Variants in GLMN observed in about 807,000 individuals in gnomAD.
GLMN encodes glomulin.
Under a neutral mutation model 87.8 loss-of-function variants are expected in GLMN, and 75 were observed. The observed-to-expected ratio is 0.85, with a 90% CI of 0.71 to 1.04. The LOEUF is 1.04. GLMN is among the 50% of genes least tolerant of loss of function. The pLI, the probability that GLMN is intolerant of heterozygous loss-of-function variation, is 0.00. For synonymous variants in GLMN, 206 were observed against 221.6 expected (o/e 0.93, Z 0.63); for missense variants, 588 against 658.8 (o/e 0.89, Z 1.18).
intron 16 of GLMN, among the ~76,000 whole-genome samples, chr1:92,262,645 C>G (rs1380967032): frequency 1.3e-5 from 2 of 152,162 alleles, no homozygotes; most frequent in Non-Finnish European, 1.5e-5. Flanking sequence ...AGCAAGAAAG[C>G]AGACGTACAA....
rs1379536091 is a variant in GLMN at position 92,263,579 on chromosome 1, T to G, written c.1409+44A>C. The G allele has an allele frequency of 4.6e-6, 4 of 872,858 alleles. No individual in the cohort carries two copies. The African/African-American group carries it at 6.6e-5, about 14-fold the overall frequency. 54.1% of individuals were successfully genotyped at this position (872,858 alleles called of 1,614,324 possible). A position where few individuals can be genotyped will look rare whatever the true frequency, so the allele number is the denominator to read the frequency against. ...GTTCCCTAAGCAGATGTTTCACATT[T>G]TATTCTGAATTTACTATGTGAACTT... On this transcript the variant is annotated intron_variant, in intron 15 of 18. Coordinates refer to ENST00000370360, the MANE Select transcript of GLMN (RefSeq NM_053274.3).
chr1:92,247,758 C>T, intron 17 of GLMN, 120 bp downstream of exon 17: 1 of 639,112 alleles, frequency 1.6e-6, no homozygotes, highest in Non-Finnish European at 2.8e-6. Flanking sequence ...AATAAAATGG[C>T]TTAGCTGTTA....
chr1:92,336,432 G>C, the GLMN span: 1 of 1,550,632 alleles, frequency 6.4e-7, no homozygotes, highest in Non-Finnish European at 8.9e-7. Context: ...TTTCAGGTTA[G>C]TGTTTATATT....
At chr1:92,302,820 T>C (rs1650959188), upstream of GLMN, among the ~76,000 whole-genome samples, 1 of 151,880 alleles carries the variant, frequency 6.6e-6, no homozygotes. Flanking sequence ...CAGGATGGTC[T>C]CGATTTCCTA....
At chr1:92,365,948 C>T in the GLMN span, among the ~76,000 whole-genome samples, 3 of 151,988 alleles carry the variant, frequency 2.0e-5, no homozygotes, top group Non-Finnish European at 4.4e-5. Flanking sequence ...TGCAACTTCA[C>T]AGAAAGGTTG....
chr1:92,326,686 G>A, the GLMN span, among the ~76,000 whole-genome samples: 1 of 152,188 alleles, frequency 6.6e-6, no homozygotes, highest in Admixed American at 6.5e-5. Context: ...GCTATTCCAG[G>A]AAGATTATGG....
the GLMN span, among the ~76,000 whole-genome samples, chr1:92,364,974 T>C: frequency 2.0e-5 from 3 of 152,214 alleles, no homozygotes; most frequent in Non-Finnish European, 4.4e-5. Flanking sequence ...CCTATTCACC[T>C]TATTTCCCTT....
the GLMN span, among the ~76,000 whole-genome samples, chr1:92,346,458 C>T: frequency 2.6e-5 from 4 of 152,266 alleles, no homozygotes; most frequent in African/African-American, 9.6e-5. Context: ...GCCACCACAC[C>T]CAGCCTGTTA....
the GLMN span, among the ~76,000 whole-genome samples, chr1:92,338,265 A>G: frequency 2.7e-4 from 41 of 152,334 alleles, no homozygotes; most frequent in East Asian, 7.5e-3. Context: ...CATGAAAACT[A>G]TGCAATTTGA....
intron 7 of GLMN, among the ~76,000 whole-genome samples, chr1:92,273,067 C>A (rs1183913499): frequency 6.6e-6 from 1 of 152,162 alleles, no homozygotes; most frequent in Admixed American, 6.5e-5. Context: ...ATAACTTCCA[C>A]ACAAGTCACT....
intron 7 of GLMN, among the ~76,000 whole-genome samples, chr1:92,286,258 T>G (rs1017120211): frequency 4.0e-5 from 6 of 149,994 alleles, no homozygotes; most frequent in Non-Finnish European, 5.9e-5. Flanking sequence ...TTTGAAAAAT[T>G]TATATATATG....
chr1:92,297,561 AC>A, intron 2 of GLMN, 32 bp from the exon 3 acceptor site: 2 of 1,556,144 alleles, frequency 1.3e-6, no homozygotes, highest in Non-Finnish European at 1.8e-6. Context: ...CAAAAAACAA[AC>A]AAAAAAAAGT....
At chr1:92,297,324 T>C (rs1334027770) in intron 3 of GLMN, 80 bp downstream of exon 3, 2 of 1,562,022 alleles carry the variant, frequency 1.3e-6, no homozygotes, top group Non-Finnish European at 8.8e-7. Context: ...AAATGTTTGA[T>C]GGATAAATGA....
At chr1:92,286,838 C>T (rs1476294983) in intron 6 of GLMN, among the ~76,000 whole-genome samples, 1 of 152,172 alleles carries the variant, frequency 6.6e-6, no homozygotes, top group Non-Finnish European at 1.5e-5. Context: ...CCCACTTTTG[C>T]CTTTTGCCCT....
At position 92,298,039 on chromosome 1, in the gene GLMN, C is replaced by G; in HGVS notation, c.-30-10G>C. On this transcript the variant is annotated splice_polypyrimidine_tract_variant and intron_variant, in intron 1 of 18. Coordinates refer to ENST00000370360, the MANE Select transcript of GLMN (RefSeq NM_053274.3). ...GTTTCGATGCTAAAATCTACAAATA[C>G]AAAACACACTGTTAACTATCCGTGA... is the stretch of plus-strand genomic sequence containing the variant. 8.6e-7 allele frequency: 1 copy of G among 1,163,732 alleles called. No individual in the cohort carries two copies. The highest frequency in any genetic ancestry group is 1.3e-6 in the Non-Finnish European group (1 of 769,962). The allele number at this position is 1,163,732 out of a possible 1,614,324, so 72.1% of individuals were successfully genotyped here.
the GLMN span, among the ~76,000 whole-genome samples, chr1:92,305,153 C>A: frequency 1.3e-5 from 2 of 150,966 alleles, no homozygotes. Context: ...AGACAATAGA[C>A]CGGGCGCCCT....
intron 16 of GLMN, among the ~76,000 whole-genome samples, chr1:92,249,899 A>G (rs777287350): frequency 5.3e-5 from 8 of 152,142 alleles, no homozygotes; most frequent in Non-Finnish European, 8.8e-5. Flanking sequence ...GCATATTTCA[A>G]TGTAATGACA....
chr1:92,259,734 T>C (rs563759741), intron 16 of GLMN, among the ~76,000 whole-genome samples: 1 of 127,224 alleles, frequency 7.9e-6, no homozygotes. Context: ...TTTTCTTTCT[T>C]TTTTTTTTTT....
intron 16 of GLMN, among the ~76,000 whole-genome samples, chr1:92,257,152 T>C (rs553984376): frequency 4.9e-4 from 75 of 152,266 alleles, no homozygotes; most frequent in African/African-American, 1.6e-3. Flanking sequence ...CCATTCACAA[T>C]TGCTACAAAG....
Sources: gnomAD v4.1 joint callset for allele counts (sites outside exome capture counted in the v4.1 genomes callset) on GRCh38, gnomAD v4.1.1 for gene constraint, MANE v1.5 for transcripts, NCBI Gene and HGNC (gene_info 2026-07-23, HGNC 2026-07-21) for gene names.